The following EBF3 variants were observed in gnomAD, a reference collection of about 807,000 sequenced individuals.
EBF3 encodes transcription factor COE3.
Under a neutral mutation model 77.1 loss-of-function variants are expected in EBF3, and 18 were observed. That is an observed-to-expected ratio of 0.23 (90% CI 0.16 to 0.35). The LOEUF is 0.35. EBF3 is among the 10% of genes least tolerant of loss of function. The pLI is 1.00. For missense variants in EBF3, 558 were observed against 860.0 expected (o/e 0.65, Z 4.39); for synonymous variants, 350 against 343.5 (o/e 1.02, Z -0.21).
At chr10:129,875,187 C>CTTTTTTTTTTTTTTTTTTTTT (rs1193539598) in intron 7 of EBF3, among the ~76,000 whole-genome samples, 2 of 92,932 alleles carry the variant, frequency 2.2e-5, no homozygotes, top group African/African-American at 8.2e-5. Context: ...ATGGCTTCTT[C>CTTTTTTTTTTTTTTTTTTTTT]TTTTTTTTTT....
chr10:129,838,023 G>A (rs1323419397), intron 16 of EBF3, 63 bp from the exon 17 acceptor site: 2 of 1,589,836 alleles, frequency 1.3e-6, no homozygotes, highest in Admixed American at 1.7e-5. Flanking sequence ...CGCCAACGCT[G>A]ACGCGGGCGG....
chr10:129,912,777 T>A (rs117994297), intron 6 of EBF3, among the ~76,000 whole-genome samples: 1 of 152,250 alleles, frequency 6.6e-6, no homozygotes, highest in African/African-American at 2.4e-5. Context: ...TTTGAATAAA[T>A]TGTGGATTTT....
chr10:129,933,425 G>A (rs890086845), intron 6 of EBF3, among the ~76,000 whole-genome samples: 10 of 152,270 alleles, frequency 6.6e-5, no homozygotes, highest in African/African-American at 2.2e-4. Context: ...GACTGGCAGT[G>A]TGCATTTAGA....
At chr10:129,856,855 G>C (rs1851287538) in intron 10 of EBF3, among the ~76,000 whole-genome samples, 1 of 152,248 alleles carries the variant, frequency 6.6e-6, no homozygotes. Flanking sequence ...ACAAAATACA[G>C]TGTTTTTAGT....
rs1852355120 is a variant in EBF3 at position 129,870,801 on chromosome 10, T to C, written c.781+2651A>G. Among the ~76,000 whole-genome samples the C allele has an allele frequency of 6.6e-6, 1 of 152,000 alleles. No individual in the cohort carries two copies. The highest frequency in any genetic ancestry group is 6.6e-5 in the Admixed American group (1 of 15,264). ...ATATCTTTGGGTTTTTTTCCTTTCT[T>C]TTGGGGTCTCTCCACCCTATCCAGT... On this transcript the variant is annotated intron_variant, in intron 8 of 16. Transcript: ENST00000440978. This position sits in a 1 kb window ranked among gnomAD's most constrained non-coding sequence, Gnocchi z 4.4.
Position 129,963,476 on chromosome 10 carries a change from T to C in EBF3, c.182A>G (p.Asn61Ser). The change falls in exon 2 of 17, where the codon AAC becomes AGC. Residue 61 changes from asparagine (N) to serine (S), a missense_variant. Asn to Ser is a conservative substitution (Grantham distance 46). This residue lies in a region of EBF3 where 84 missense variants were observed against 142.3 expected (regional missense o/e 0.59). Coordinates refer to ENST00000440978, the MANE Select transcript of EBF3 (RefSeq NM_001375380.1). The surrounding 1 kb of genome is among the most constrained non-coding windows in gnomAD (Gnocchi z 7.1). The stretch of plus-strand genomic sequence containing the variant: ...GTGGAAGAAATTGGATTTCCGGAGG[T>C]TGGAAGGCGGCTGCTTCTCGAAGTG... ...RAHFEKQPPS[N>S]LRKSNFFHFV... 6.3e-7 allele frequency: 1 copy of C among 1,585,340 alleles called. No homozygotes were observed. The highest frequency in any genetic ancestry group is 8.6e-7 in the Non-Finnish European group (1 of 1,165,864).
At chr10:129,878,823 C>CTAAAAAAA (rs1852985375) in intron 6 of EBF3, among the ~76,000 whole-genome samples, 1 of 58,758 alleles carries the variant, frequency 1.7e-5, no homozygotes, top group Non-Finnish European at 3.1e-5. Flanking sequence ...AAATCGGTCT[C>CTAAAAAAA]AAAAAAAAAA....
chr10:129,941,909 A>T (rs771998582), intron 6 of EBF3, among the ~76,000 whole-genome samples: 5 of 152,256 alleles, frequency 3.3e-5, no homozygotes, highest in Non-Finnish European at 7.3e-5. Flanking sequence ...TGAGATCCCA[A>T]TCCAGACCCA....
rs995879251 is a variant in EBF3 at position 129,935,653 on chromosome 10, G to A, written c.554+21605C>T. Among the ~76,000 whole-genome samples the A allele has an allele frequency of 1.2e-4, 18 of 152,346 alleles. No individual in the cohort carries two copies. Among genetic ancestry groups the A allele is most frequent in the South Asian group, 2.1e-4 (1 of 4,830 alleles). ...CTCATCCAGAGCCCAGAGCCTGGGCGTCCAGGGCACAGACAGCTCTCAGCC... is the reference window on the plus strand; with the variant it reads ...CTCATCCAGAGCCCAGAGCCTGGGCATCCAGGGCACAGACAGCTCTCAGCC... On this transcript the variant is annotated intron_variant, in intron 6 of 16. Transcript: ENST00000440978. The surrounding 1 kb of genome is among the most constrained non-coding windows in gnomAD (Gnocchi z 4.2).
In EBF3 at chr10:129,867,929, G is replaced by T; in HGVS notation, c.782-17C>A. Reference sequence around the variant, plus strand: ...ACGGAGTGGCTGCTCACACAAGACAGAGAAGGCAGACCTTAGAGCCCCGTC... The same window carrying T: ...ACGGAGTGGCTGCTCACACAAGACATAGAAGGCAGACCTTAGAGCCCCGTC... On this transcript the variant is annotated splice_polypyrimidine_tract_variant and intron_variant, in intron 8 of 16. Coordinates refer to ENST00000440978, the MANE Select transcript of EBF3 (RefSeq NM_001375380.1). 1 of 1,613,184 alleles carries T rather than the reference G, an allele frequency of 6.2e-7. No homozygotes were observed. The highest frequency in any genetic ancestry group is 8.5e-7 in the Non-Finnish European group (1 of 1,179,486).
intron 6 of EBF3, among the ~76,000 whole-genome samples, chr10:129,880,644 A>T (rs967352463): frequency 6.6e-6 from 1 of 152,220 alleles, no homozygotes; most frequent in Non-Finnish European, 1.5e-5. Context: ...ACAACCCTAG[A>T]GACCAGGATC....
intron 10 of EBF3, among the ~76,000 whole-genome samples, chr10:129,849,662 A>T (rs1486214315): frequency 6.6e-6 from 1 of 152,212 alleles, no homozygotes; most frequent in African/African-American, 2.4e-5. Flanking sequence ...ATGCGCCCGA[A>T]AGTTGAGGAC....
intron 11 of EBF3, among the ~76,000 whole-genome samples, chr10:129,846,321 A>C (rs1235990591): frequency 6.6e-6 from 1 of 151,984 alleles, no homozygotes; most frequent in East Asian, 1.9e-4. Flanking sequence ...GTCGCCCCAC[A>C]ATTACCCATC....
chr10:129,883,552 C>T (rs532914802), intron 6 of EBF3, among the ~76,000 whole-genome samples: 3 of 152,286 alleles, frequency 2.0e-5, no homozygotes, highest in Non-Finnish European at 4.4e-5. Context: ...ATCAAAAACC[C>T]AAAGTGTTCG....
chr10:129,898,977 A>G (rs1854590462), intron 6 of EBF3, among the ~76,000 whole-genome samples: 1 of 152,228 alleles, frequency 6.6e-6, no homozygotes, highest in Non-Finnish European at 1.5e-5. Flanking sequence ...TGATCTGTAA[A>G]AAGTTCTCGA....
intron 6 of EBF3, among the ~76,000 whole-genome samples, chr10:129,892,240 A>C (rs890312966): frequency 3.9e-5 from 6 of 152,256 alleles, no homozygotes; most frequent in African/African-American, 1.2e-4. Context: ...ACCTGGGGCC[A>C]GGAGGCGGTG....
chr10:129,910,163 C>T (rs1036130447), intron 6 of EBF3, among the ~76,000 whole-genome samples: 1 of 152,188 alleles, frequency 6.6e-6, no homozygotes, highest in African/African-American at 2.4e-5. Flanking sequence ...GGGCAGACAC[C>T]CCAGAGCTCT....
intron 10 of EBF3, among the ~76,000 whole-genome samples, chr10:129,860,616 G>A (rs143407656): frequency 3.1e-3 from 467 of 152,268 alleles, no homozygotes; most frequent in Non-Finnish European, 4.7e-3. Context: ...AAGCCCCCTC[G>A]GATGACAGAC....
intron 10 of EBF3, among the ~76,000 whole-genome samples, chr10:129,853,457 G>A (rs1430116285): frequency 1.3e-5 from 2 of 152,140 alleles, no homozygotes; most frequent in African/African-American, 4.8e-5. Context: ...TCATGCATTT[G>A]TCATAACGCA....
Sources: gnomAD v4.1 joint callset for allele counts (sites outside exome capture counted in the v4.1 genomes callset) on GRCh38, gnomAD v4.1.1 for gene constraint, gnomAD v4.1.1 regional missense constraint, Gnocchi (gnomAD v3.1) non-coding constraint, MANE v1.5 for transcripts, NCBI Gene and HGNC (gene_info 2026-07-23, HGNC 2026-07-21) for gene names.